The following DIS3L2 variants were observed in gnomAD, a reference collection of about 807,000 sequenced individuals.
DIS3L2 encodes the protein DIS3-like exonuclease 2.
A neutral mutation model predicts 97.5 loss-of-function variants in DIS3L2; 34 were observed. The ratio of observed to expected loss-of-function variants is 0.35; its 90% confidence interval spans 0.27 to 0.46. The LOEUF is 0.46. Among genes scored for constraint, DIS3L2 ranks in the 20% least tolerant of loss-of-function variants. The pLI, the probability that DIS3L2 is intolerant of heterozygous loss-of-function variation, is 1.00. For missense variants in DIS3L2, 1,038 were observed against 1,146.0 expected, an observed-to-expected ratio of 0.91 and a Z score of 1.36; for synonymous variants, 435 against 445.2, an observed-to-expected ratio of 0.98 and a Z score of 0.29.
At position 232,334,956 on chromosome 2, in the gene DIS3L2, A is replaced by G. The variant is rs1695892025; in HGVS notation, c.2394+221A>G. On this transcript the variant is annotated intron_variant, in intron 19 of 20. Transcript: ENST00000325385. ...CCCCTTCCCCAAGGACCCAGGAACC[A>G]GAGAGCAGGCCCCTCCATGGCCAGT... 5 of 549,960 alleles carry G rather than the reference A, an allele frequency of 9.1e-6. No individual in the cohort carries two copies. In the East Asian group the frequency reaches 9.3e-5, roughly 10 times the overall value. 34.1% of individuals were successfully genotyped at this position (549,960 alleles called of 1,614,324 possible).
chr2:231,965,847 A>G (rs1332558395), intron 1 of DIS3L2, among the ~76,000 whole-genome samples: 5 of 152,214 alleles, frequency 3.3e-5, no homozygotes, highest in Admixed American at 1.3e-4. Flanking sequence ...CTCTGATGCC[A>G]CGTCCATGTT....
chr2:232,125,018 C>T (rs116898629), intron 6 of DIS3L2, among the ~76,000 whole-genome samples: 1 of 152,212 alleles, frequency 6.6e-6, no homozygotes, highest in East Asian at 1.9e-4. Flanking sequence ...CTGGTCCCTA[C>T]ACCTCATTTA....
chr2:232,301,815 G>A (rs947639990), intron 14 of DIS3L2, among the ~76,000 whole-genome samples: 2 of 147,206 alleles, frequency 1.4e-5, no homozygotes, highest in Non-Finnish European at 1.5e-5. Context: ...TTGACTGTGA[G>A]AAGAGAAAAT....
At chr2:232,110,260 T>A (rs1383255773) in intron 6 of DIS3L2, among the ~76,000 whole-genome samples, 1 of 152,150 alleles carries the variant, frequency 6.6e-6, no homozygotes, top group African/African-American at 2.4e-5. Flanking sequence ...GTAAATTAGT[T>A]CAATCATTGT....
At chr2:231,967,077 T>C (rs1692744001) in intron 1 of DIS3L2, among the ~76,000 whole-genome samples, 1 of 152,114 alleles carries the variant, frequency 6.6e-6, no homozygotes, top group Non-Finnish European at 1.5e-5. Context: ...TGATGACAGA[T>C]GAGACACTGG....
chr2:232,315,427 C>T (rs1409332536), intron 14 of DIS3L2, among the ~76,000 whole-genome samples: 1 of 152,194 alleles, frequency 6.6e-6, no homozygotes, highest in Non-Finnish European at 1.5e-5. Flanking sequence ...GAAAGGTGCC[C>T]ATGGTTGTCA....
At chr2:232,087,387 T>C in intron 5 of DIS3L2, 100 bp from the exon 6 acceptor site, 2 of 839,012 alleles carry the variant, frequency 2.4e-6, no homozygotes, top group Non-Finnish European at 3.7e-6. Flanking sequence ...CCAATACCGT[T>C]AGCTTCTGAA....
At chr2:232,334,048 A>T in intron 17 of DIS3L2, 61 bp downstream of exon 17, 1 of 1,554,524 alleles carries the variant, frequency 6.4e-7, no homozygotes, top group South Asian at 1.2e-5. Context: ...CCACCCCCAC[A>T]GTGGGTGCTC....
At chr2:232,327,440 G>A (rs1229992355) in intron 14 of DIS3L2, among the ~76,000 whole-genome samples, 2 of 152,258 alleles carry the variant, frequency 1.3e-5, no homozygotes, top group African/African-American at 4.8e-5. Flanking sequence ...GGGGAGAAAA[G>A]TCCAGAACCG....
rs377740097 is a variant in DIS3L2 at position 232,334,690 on chromosome 2, C to T, written c.2349C>T (p.Asp783=). The T allele has an allele frequency of 1.8e-5, 29 of 1,610,776 alleles. No homozygotes were observed. Among genetic ancestry groups the T allele is most frequent in the East Asian group, 4.5e-5 (2 of 44,686 alleles). The change falls in exon 19 of 21, where the codon GAC becomes GAT. Residue 783 remains aspartate, a synonymous_variant. Transcript: ENST00000325385. ...MVMGILKQAF[D]VLVLRYGVQK... ...TGGGCATCCTGAAGCAAGCCTTCGACGTGCTGGTGCTGCGCTACGGCGTGC... is the reference window on the plus strand; with the variant it reads ...TGGGCATCCTGAAGCAAGCCTTCGATGTGCTGGTGCTGCGCTACGGCGTGC...
At chr2:232,089,180 T>C (rs1260624825) in intron 6 of DIS3L2, among the ~76,000 whole-genome samples, 1 of 152,234 alleles carries the variant, frequency 6.6e-6, no homozygotes, top group African/African-American at 2.4e-5. Flanking sequence ...TTTGAAAGCA[T>C]GTGTCCTTTT....
intron 7 of DIS3L2, chr2:232,131,462 T>G (rs1305395078): frequency 1.3e-5 from 2 of 152,116 alleles, no homozygotes; most frequent in African/African-American, 4.8e-5. Context: ...TGGCTAATTT[T>G]TTGTATTTTT....
chr2:232,040,611 C>T (rs546091229), intron 5 of DIS3L2, among the ~76,000 whole-genome samples: 65 of 152,220 alleles, frequency 4.3e-4, no homozygotes, highest in African/African-American at 1.3e-3. Context: ...TACCCCAATA[C>T]GGTAAATTAC....
At chr2:232,040,793 G>T (rs778044289) in intron 5 of DIS3L2, among the ~76,000 whole-genome samples, 1 of 151,956 alleles carries the variant, frequency 6.6e-6, no homozygotes, top group Non-Finnish European at 1.5e-5. Flanking sequence ...TCTTATTTAG[G>T]GCACATATAA....
chr2:232,220,692 G>A (rs1322191534), intron 10 of DIS3L2, among the ~76,000 whole-genome samples: 2 of 151,458 alleles, frequency 1.3e-5, no homozygotes, highest in Admixed American at 1.3e-4. Context: ...GGGTGACAAA[G>A]CGAGACTCCA....
chr2:231,978,297 G>T (rs1693154270), intron 1 of DIS3L2, among the ~76,000 whole-genome samples: 1 of 152,140 alleles, frequency 6.6e-6, no homozygotes, highest in South Asian at 2.1e-4. Context: ...CCTTTCTGAG[G>T]TAATCTGAAT....
chr2:232,115,475 T>C (rs1697679132), intron 6 of DIS3L2, among the ~76,000 whole-genome samples: 1 of 152,128 alleles, frequency 6.6e-6, no homozygotes. Flanking sequence ...CAGCTCCACG[T>C]GGGATGTTTT....
chr2:232,036,157 A>G (rs139139633), intron 5 of DIS3L2, among the ~76,000 whole-genome samples: 2,225 of 152,222 alleles, frequency 0.015, 23 homozygotes, highest in Non-Finnish European at 0.021. Context: ...AGGTACATCA[A>G]TCAAACGTAG....
At chr2:232,008,989 T>C (rs1694125415) in intron 1 of DIS3L2, among the ~76,000 whole-genome samples, 1 of 152,236 alleles carries the variant, frequency 6.6e-6, no homozygotes, top group Non-Finnish European at 1.5e-5. Flanking sequence ...AGCTTAATTC[T>C]CCTCTTGAGC....
Sources: allele counts gnomAD v4.1 joint callset (sites outside exome capture counted in the v4.1 genomes callset), GRCh38; gene constraint gnomAD v4.1.1; transcripts MANE v1.5; gene names NCBI Gene and HGNC (gene_info 2026-07-23, HGNC 2026-07-21).